COL19A1: variants seen among roughly 807,000 people sequenced by gnomAD.
The protein encoded by COL19A1 is collagen alpha-1(XIX) chain.
A neutral mutation model predicts 190.2 loss-of-function variants in COL19A1; 159 were observed. The ratio of observed to expected loss-of-function variants is 0.84; its 90% CI spans 0.73 to 0.95. The LOEUF is 0.95. Ranked by LOEUF, COL19A1 falls within the 40% of genes least tolerant of loss-of-function variation. COL19A1 has a pLI of 0.00. For missense variants in COL19A1, 1,418 were observed against 1,431.9 expected, an observed-to-expected ratio of 0.99 and a Z score of 0.16; for synonymous variants, 509 against 458.9, an observed-to-expected ratio of 1.11 and a Z score of -1.39.
intron 4 of COL19A1, among the ~76,000 whole-genome samples, chr6:69,907,119 T>A (rs1384938346): frequency 6.8e-6 from 1 of 147,664 alleles, no homozygotes; most frequent in African/African-American, 2.5e-5. Context: ...TTTTTTTTTT[T>A]TTTTTTTTTG....
Position 70,068,408 on chromosome 6 carries a change from T to A in COL19A1, c.1171-15T>A. 2 of 1,545,470 alleles carry A rather than the reference T, an allele frequency of 1.3e-6. No individual in the cohort carries two copies. The highest frequency in any genetic ancestry group is 1.8e-6 in the Non-Finnish European group (2 of 1,117,138). On this transcript the variant is annotated splice_polypyrimidine_tract_variant and intron_variant, in intron 14 of 50. Coordinates refer to ENST00000620364, the MANE Select transcript of COL19A1 (RefSeq NM_001858.6). The stretch of plus-strand genomic sequence containing the variant: ...TTGAAACAGTGTATTAACATGTGTC[T>A]CTTTTTCCTCATAGGGTTCCCTGGG...
At chr6:70,084,668 C>T (rs943667480) in intron 15 of COL19A1, among the ~76,000 whole-genome samples, 3 of 152,130 alleles carry the variant, frequency 2.0e-5, no homozygotes, top group Non-Finnish European at 2.9e-5. Context: ...TCCAGATGTA[C>T]AGCTTGTGCA....
chr6:70,028,152 C>T (rs1582720489), intron 12 of COL19A1, among the ~76,000 whole-genome samples: 1 of 151,986 alleles, frequency 6.6e-6, no homozygotes, highest in Admixed American at 6.6e-5. Context: ...AAAAGGCATA[C>T]AAATATATTA....
At chr6:69,883,225 G>A (rs1044565624) in intron 2 of COL19A1, among the ~76,000 whole-genome samples, 1 of 152,140 alleles carries the variant, frequency 6.6e-6, no homozygotes, top group Non-Finnish European at 1.5e-5. Context: ...AGGTGTGAGG[G>A]TACATGCTCC....
intron 34 of COL19A1, among the ~76,000 whole-genome samples, chr6:70,158,455 A>C (rs1787575801): frequency 6.6e-6 from 1 of 152,066 alleles, no homozygotes; most frequent in African/African-American, 2.4e-5. Context: ...TGAGACTTCT[A>C]ATTATTATGT....
In COL19A1 at chr6:69,936,856, A is replaced by C; in HGVS notation, c.819A>C (p.Ser273=). 1.9e-6 allele frequency: 3 copies of C among 1,613,206 alleles called. No homozygotes were observed. The highest frequency in any genetic ancestry group is 2.5e-6 in the Non-Finnish European group (3 of 1,179,314). Residue 273 remains serine, a synonymous_variant, in exon 8 of 51, where the codon TCA becomes TCC. Transcript: ENST00000620364. Reference sequence around the variant, plus strand: ...CTGCTCATGCCAGTAAAATGTCTTCATATCTGCCAGCAAAGCAGGAACTTA... The same window carrying C: ...CTGCTCATGCCAGTAAAATGTCTTCCTATCTGCCAGCAAAGCAGGAACTTA... ...WVTAHASKMS[S]YLPAKQELKD...
intron 17 of COL19A1, among the ~76,000 whole-genome samples, chr6:70,124,667 T>C (rs191322742): frequency 1.4e-4 from 21 of 152,306 alleles, no homozygotes; most frequent in Admixed American, 1.1e-3. Context: ...ACCCCAGTTA[T>C]TCTTCTTGCC....
intron 49 of COL19A1, among the ~76,000 whole-genome samples, chr6:70,205,870 T>C (rs1388308876): frequency 6.6e-6 from 1 of 152,202 alleles, no homozygotes; most frequent in Non-Finnish European, 1.5e-5. Context: ...GGTTAAAATA[T>C]CTTAAGTTGA....
intron 48 of COL19A1, among the ~76,000 whole-genome samples, chr6:70,190,843 C>G (rs1766818358): frequency 1.3e-5 from 2 of 152,152 alleles, no homozygotes; most frequent in South Asian, 4.1e-4. Context: ...ACCCCCTAGC[C>G]AAAGCTATTG....
At chr6:69,891,023 TG>T in intron 2 of COL19A1, 1 of 358,208 alleles carries the variant, frequency 2.8e-6, no homozygotes, top group Non-Finnish European at 5.7e-6. Flanking sequence ...AAGGGGCCAT[TG>T]TCAGAGGCTC....
At chr6:70,197,334 A>G (rs1436383004) in intron 48 of COL19A1, among the ~76,000 whole-genome samples, 1 of 151,918 alleles carries the variant, frequency 6.6e-6, no homozygotes, top group East Asian at 1.9e-4. Context: ...GAGGCAGGAG[A>G]ATGGCGTGAA....
chr6:70,088,589 G>A (rs888340516), intron 15 of COL19A1, among the ~76,000 whole-genome samples: 3 of 152,106 alleles, frequency 2.0e-5, no homozygotes, highest in Non-Finnish European at 2.9e-5. Context: ...CTATGTCCAC[G>A]TTTAATGCAG....
intron 11 of COL19A1, among the ~76,000 whole-genome samples, chr6:70,016,817 A>G (rs1034800160): frequency 1.3e-5 from 2 of 152,076 alleles, no homozygotes; most frequent in African/African-American, 4.8e-5. Context: ...GCCACAATGA[A>G]ATACTATACA....
At chr6:70,174,214 C>G (rs1184477365) in intron 41 of COL19A1, among the ~76,000 whole-genome samples, 1 of 152,176 alleles carries the variant, frequency 6.6e-6, no homozygotes, top group Non-Finnish European at 1.5e-5. Flanking sequence ...GATGACTGCT[C>G]AGCCCTAGGG....
chr6:70,025,925 A>G (rs1307529042), intron 12 of COL19A1, among the ~76,000 whole-genome samples: 1 of 152,258 alleles, frequency 6.6e-6, no homozygotes, highest in Non-Finnish European at 1.5e-5. Flanking sequence ...AAATAGCCCA[A>G]CATGTTGACC....
At chr6:70,047,727 T>C (rs1444743642) in intron 14 of COL19A1, among the ~76,000 whole-genome samples, 3 of 152,088 alleles carry the variant, frequency 2.0e-5, no homozygotes, top group Non-Finnish European at 4.4e-5. Context: ...ATTGCCAGAT[T>C]CTCCTCAATT....
intron 2 of COL19A1, 117 bp from the exon 3 acceptor site, chr6:69,898,831 C>T (rs1036795661): frequency 3.0e-6 from 2 of 667,426 alleles, no homozygotes; most frequent in African/African-American, 3.6e-5. Flanking sequence ...CCTCATTTTA[C>T]AGAAATTTAA....
chr6:69,959,674 GA>G (rs1317309347), intron 9 of COL19A1, among the ~76,000 whole-genome samples: 1 of 152,138 alleles, frequency 6.6e-6, no homozygotes, highest in Non-Finnish European at 1.5e-5. Flanking sequence ...TTCAAAGAGA[GA>G]AAATGAAATG....
At chr6:69,971,121 G>A (rs1312183586) in intron 11 of COL19A1, among the ~76,000 whole-genome samples, 1 of 151,994 alleles carries the variant, frequency 6.6e-6, no homozygotes, top group African/African-American at 2.4e-5. Context: ...TATAGAAAAA[G>A]TAAAATGTCC....
Sources: allele counts gnomAD v4.1 joint callset (sites outside exome capture counted in the v4.1 genomes callset), GRCh38; gene constraint gnomAD v4.1.1; transcripts MANE v1.5; gene names NCBI Gene and HGNC (gene_info 2026-07-23, HGNC 2026-07-21).